MLEC: variants seen among roughly 807,000 people sequenced by gnomAD.
MLEC encodes the protein malectin.
Under a neutral mutation model 28.7 loss-of-function variants are expected in MLEC, and 7 were observed. That is an observed-to-expected ratio of 0.24 (90% confidence interval 0.14 to 0.46). The LOEUF is 0.46. Among genes scored for constraint, MLEC ranks in the 20% least tolerant of loss-of-function variants. MLEC has a pLI of 0.99. For synonymous variants in MLEC, 142 were observed against 164.4 expected (o/e 0.86, Z 1.04); for missense variants, 237 against 391.1 (o/e 0.61, Z 3.32).
Position 120,694,815 on chromosome 12 carries a change from T to C in MLEC, c.415-9T>C. 6.2e-7 allele frequency: 1 copy of C among 1,600,960 alleles called. No homozygotes were observed. The highest frequency in any genetic ancestry group is 8.5e-7 in the Non-Finnish European group (1 of 1,171,288). ...GTTTTGACATTGTTTTCTTTTCTTA[T>C]CCTGGAAGGTATTTGATGTACGATT... On this transcript the variant is annotated splice_polypyrimidine_tract_variant and intron_variant, in intron 2 of 4. Coordinates refer to ENST00000228506, the MANE Select transcript of MLEC (RefSeq NM_014730.4). The surrounding 1 kb of genome is among the most constrained non-coding windows in gnomAD (Gnocchi z 4.5).
chr12:120,693,992 A>G, intron 1 of MLEC, 99 bp from the exon 2 acceptor site: 2 of 1,158,194 alleles, frequency 1.7e-6, no homozygotes, highest in East Asian at 2.6e-5. Flanking sequence ...GGAGAGGGTT[A>G]TTAGCATTGC....
chr12:120,695,250 C>A, intron 4 of MLEC, 98 bp downstream of exon 4: 1 of 1,295,984 alleles, frequency 7.7e-7, no homozygotes, highest in Non-Finnish European at 1.1e-6. Flanking sequence ...TTTGGAAACA[C>A]TTAAAGCTAA....
rs1313758174 is a variant in MLEC, at chr12:120,699,104, G to T, written c.*2559G>T. On this transcript the variant is annotated 3_prime_UTR_variant, in exon 5 of 5. Coordinates refer to ENST00000228506, the MANE Select transcript of MLEC (RefSeq NM_014730.4). ...TGGCTCCTCCAAGATATAGGTACAT[G>T]AAGTTTAGGTTAAAGGGGTGGGATT... 4 of 152,606 alleles carry T rather than the reference G, an allele frequency of 2.6e-5. No homozygotes were observed. The highest frequency in any genetic ancestry group is 5.9e-5 in the Non-Finnish European group (4 of 68,044). 9.5% of individuals were successfully genotyped at this position (152,606 alleles called of 1,614,324 possible). A position where few individuals can be genotyped will look rare whatever the true frequency, so the allele number is the denominator to read the frequency against.
At position 120,701,629 on chromosome 12, in the gene MLEC, G is replaced by C. The variant is rs1313356625; in HGVS notation, c.*5084G>C. On this transcript the variant is annotated 3_prime_UTR_variant, in exon 5 of 5. Coordinates refer to ENST00000228506, the MANE Select transcript of MLEC (RefSeq NM_014730.4). This position sits in a 1 kb window ranked among gnomAD's most constrained non-coding sequence, Gnocchi z 4.0. ...TCTGTGGAGGCCAAACCAACTCTTT[G>C]CCAGCAGCCACAACATGCATTGACA... 1 of 152,546 alleles carries C rather than the reference G, an allele frequency of 6.6e-6. No homozygotes were observed. Among genetic ancestry groups the C allele is most frequent in the Non-Finnish European group, 1.5e-5 (1 of 68,096 alleles). 9.4% of individuals were successfully genotyped at this position (152,546 alleles called of 1,614,324 possible).
chr12:120,690,466 G>A (rs971643719), intron 1 of MLEC, among the ~76,000 whole-genome samples: 8 of 152,184 alleles, frequency 5.3e-5, no homozygotes, highest in East Asian at 1.9e-4. Context: ...GCAGGTCCTC[G>A]AGAAACTTGC....
chr12:120,687,219 T>C lies in MLEC; in HGVS notation c.-78T>C. ...TCAGGCGGAGCGGCCCGTGGCGCTGTTTTTCTGAGTCCGGGGTGGCCTGGC... is the reference window on the plus strand; with the variant it reads ...TCAGGCGGAGCGGCCCGTGGCGCTGCTTTTCTGAGTCCGGGGTGGCCTGGC... On this transcript the variant is annotated 5_prime_UTR_variant, in exon 1 of 5. Transcript: ENST00000228506. This position sits in a 1 kb window ranked among gnomAD's most constrained non-coding sequence, Gnocchi z 8.1. 1 of 1,309,610 alleles carries C rather than the reference T, an allele frequency of 7.6e-7. No individual in the cohort carries two copies. Among genetic ancestry groups the C allele is most frequent in the South Asian group, 2.2e-5 (1 of 45,960 alleles). 81.1% of individuals were successfully genotyped at this position (1,309,610 alleles called of 1,614,324 possible). A position where few individuals can be genotyped will look rare whatever the true frequency, so the allele number is the denominator to read the frequency against.
Position 120,687,566 on chromosome 12 carries a change from G to A in MLEC, c.235+35G>A, listed in dbSNP as rs1225117081. 2 of 1,460,534 alleles carry A rather than the reference G, an allele frequency of 1.4e-6. No homozygotes were observed. Among genetic ancestry groups the A allele is most frequent in the East Asian group, 2.7e-5 (1 of 36,518 alleles). 90.5% of individuals were successfully genotyped at this position (1,460,534 alleles called of 1,614,324 possible). ...CCCCTGCCGAGCCGCGGGATCCAGG[G>A]CCTGCTGTGCTGGGCGCAGCCGGCC... On this transcript the variant is annotated intron_variant, in intron 1 of 4. Transcript: ENST00000228506. The surrounding 1 kb of genome is among the most constrained non-coding windows in gnomAD (Gnocchi z 8.1).
rs987687812 is a variant in MLEC at position 120,687,944 on chromosome 12, T to G, written c.235+413T>G. Reference sequence around the variant, plus strand: ...GGAATCGGCCGCTTTCCTTGCCCCTTCTGCAGGAGCGGGGCTTGATTCTTA... The same window carrying G: ...GGAATCGGCCGCTTTCCTTGCCCCTGCTGCAGGAGCGGGGCTTGATTCTTA... On this transcript the variant is annotated intron_variant, in intron 1 of 4. Transcript: ENST00000228506. The surrounding 1 kb of genome is among the most constrained non-coding windows in gnomAD (Gnocchi z 8.1). Among the ~76,000 whole-genome samples, 4 of 152,114 alleles carry G rather than the reference T, an allele frequency of 2.6e-5. No homozygotes were observed. Among genetic ancestry groups the G allele is most frequent in the Non-Finnish European group, 5.9e-5 (4 of 68,014 alleles).
intron 4 of MLEC, 133 bp downstream of exon 4, chr12:120,695,285 G>C (rs2137419796): frequency 1.0e-6 from 1 of 974,014 alleles, no homozygotes; most frequent in Non-Finnish European, 1.6e-6. Flanking sequence ...AGAATCAGTT[G>C]GATAAGGATG....
At position 120,694,696 on chromosome 12, in the gene MLEC, G is replaced by C. The variant is rs1278609281; in HGVS notation, c.415-128G>C. 3.3e-6 allele frequency: 3 copies of C among 910,122 alleles called. No individual in the cohort carries two copies. Among genetic ancestry groups the C allele is most frequent in the East Asian group, 2.5e-5 (1 of 39,394 alleles). The allele number at this position is 910,122 out of a possible 1,614,324, so 56.4% of individuals were successfully genotyped here. The stretch of plus-strand genomic sequence containing the variant: ...CGGGTTAAGGATGCTAACCACCCTG[G>C]ATATCCAGACCCATCATTTCTTAAA... On this transcript the variant is annotated intron_variant, in intron 2 of 4. Transcript: ENST00000228506. This position sits in a 1 kb window ranked among gnomAD's most constrained non-coding sequence, Gnocchi z 4.5.
rs1882321394 is a variant in MLEC at position 120,698,450 on chromosome 12, T to C, written c.*1905T>C. ...GCTGCAGTCAGAGGTATACTTCCCATAGTGCTTCACACAGCTCCCCTGCTT... is the reference window on the plus strand; with the variant it reads ...GCTGCAGTCAGAGGTATACTTCCCACAGTGCTTCACACAGCTCCCCTGCTT... On this transcript the variant is annotated 3_prime_UTR_variant, in exon 5 of 5. Coordinates refer to ENST00000228506, the MANE Select transcript of MLEC (RefSeq NM_014730.4). 6.6e-6 allele frequency: 1 copy of C among 152,272 alleles called. No individual in the cohort carries two copies. 9.4% of individuals were successfully genotyped at this position (152,272 alleles called of 1,614,324 possible).
chr12:120,687,336 C>G lies in MLEC; in HGVS notation c.40C>G (p.Leu14Val). The change falls in exon 1 of 5, where the codon CTC (leucine) becomes GTC (valine). Residue 14 changes from leucine (L) to valine (V), a missense_variant. Coordinates refer to ENST00000228506, the MANE Select transcript of MLEC (RefSeq NM_014730.4). The surrounding 1 kb of genome is among the most constrained non-coding windows in gnomAD (Gnocchi z 8.1). ...GGCGGTTGAGGGAACCGCTGTGGCG[C>G]TCCTGCGACTGCTGCTGCTGCTGCT... Reference protein sequence around the residue: ...AWAVEGTAVALLRLLLLLLPP... With the variant: ...AWAVEGTAVAVLRLLLLLLPP... 1 of 1,395,502 alleles carries G rather than the reference C, an allele frequency of 7.2e-7. No homozygotes were observed. Among genetic ancestry groups the G allele is most frequent in the Non-Finnish European group, 9.3e-7 (1 of 1,076,632 alleles). 86.4% of individuals were successfully genotyped at this position (1,395,502 alleles called of 1,614,324 possible).
rs1881891218 is a variant in MLEC at position 120,687,945 on chromosome 12, C to T, written c.235+414C>T. Among the ~76,000 whole-genome samples, 2 of 152,186 alleles carry T rather than the reference C, an allele frequency of 1.3e-5. No homozygotes were observed. Among genetic ancestry groups the T allele is most frequent in the African/African-American group, 4.8e-5 (2 of 41,446 alleles). Reference sequence around the variant, plus strand: ...GAATCGGCCGCTTTCCTTGCCCCTTCTGCAGGAGCGGGGCTTGATTCTTAG... The same window carrying T: ...GAATCGGCCGCTTTCCTTGCCCCTTTTGCAGGAGCGGGGCTTGATTCTTAG... On this transcript the variant is annotated intron_variant, in intron 1 of 4. Coordinates refer to ENST00000228506, the MANE Select transcript of MLEC (RefSeq NM_014730.4). The surrounding 1 kb of genome is among the most constrained non-coding windows in gnomAD (Gnocchi z 8.1).
chr12:120,701,052 T>C lies in MLEC; in HGVS notation c.*4507T>C, dbSNP rs1882428793. 6.6e-6 allele frequency: 1 copy of C among 152,184 alleles called. No homozygotes were observed. The highest frequency in any genetic ancestry group is 6.5e-5 in the Admixed American group (1 of 15,286). The allele number at this position is 152,184 out of a possible 1,614,324, so 9.4% of individuals were successfully genotyped here. A position where few individuals can be genotyped will look rare whatever the true frequency, so the allele number is the denominator to read the frequency against. ...GCAGCCAAGGAAACAGTAGTGCCTGTTTGAGTTGGCAGAGAGGGCCTTGGC... is the reference window on the plus strand; with the variant it reads ...GCAGCCAAGGAAACAGTAGTGCCTGCTTGAGTTGGCAGAGAGGGCCTTGGC... On this transcript the variant is annotated 3_prime_UTR_variant, in exon 5 of 5. Transcript: ENST00000228506. The surrounding 1 kb of genome is among the most constrained non-coding windows in gnomAD (Gnocchi z 4.0).
Position 120,697,679 on chromosome 12 carries a change from G to A in MLEC, c.*1134G>A, listed in dbSNP as rs1882291173. On this transcript the variant is annotated 3_prime_UTR_variant, in exon 5 of 5. Coordinates refer to ENST00000228506, the MANE Select transcript of MLEC (RefSeq NM_014730.4). The surrounding 1 kb of genome is among the most constrained non-coding windows in gnomAD (Gnocchi z 4.8). ...ACCTCAGAGATTTGAGCCCTACTAAGTGACTGACCACTGTTTAGAGTGTCT... is the reference window on the plus strand; with the variant it reads ...ACCTCAGAGATTTGAGCCCTACTAAATGACTGACCACTGTTTAGAGTGTCT... 1 of 152,680 alleles carries A rather than the reference G, an allele frequency of 6.5e-6. No homozygotes were observed. 9.5% of individuals were successfully genotyped at this position (152,680 alleles called of 1,614,324 possible). A position where few individuals can be genotyped will look rare whatever the true frequency, so the allele number is the denominator to read the frequency against.
chr12:120,691,930 C>G (rs1372608101), intron 1 of MLEC, among the ~76,000 whole-genome samples: 1 of 151,992 alleles, frequency 6.6e-6, no homozygotes, highest in Non-Finnish European at 1.5e-5. Context: ...GAGGCCGATG[C>G]GGGCAGATCA....
rs1882446779 is a variant in MLEC, at chr12:120,701,511, T to C, written c.*4966T>C. 6.6e-6 allele frequency: 1 copy of C among 152,622 alleles called. No individual in the cohort carries two copies. Among genetic ancestry groups the C allele is most frequent in the Admixed American group, 6.5e-5 (1 of 15,274 alleles). 9.5% of individuals were successfully genotyped at this position (152,622 alleles called of 1,614,324 possible). A position where few individuals can be genotyped will look rare whatever the true frequency, so the allele number is the denominator to read the frequency against. Reference sequence around the variant, plus strand: ...AGGAAACCAAGCCCACCCTTCCACATTGGGCCTGGCTGCTCTATTCTGTAC... The same window carrying C: ...AGGAAACCAAGCCCACCCTTCCACACTGGGCCTGGCTGCTCTATTCTGTAC... On this transcript the variant is annotated 3_prime_UTR_variant, in exon 5 of 5. Coordinates refer to ENST00000228506, the MANE Select transcript of MLEC (RefSeq NM_014730.4). This position sits in a 1 kb window ranked among gnomAD's most constrained non-coding sequence, Gnocchi z 4.0.
rs1206289831 is a variant in MLEC at position 120,695,009 on chromosome 12, C to G, written c.591+9C>G. The G allele has an allele frequency of 1.2e-6, 2 of 1,613,950 alleles. No homozygotes were observed. Among genetic ancestry groups the G allele is most frequent in the Non-Finnish European group, 1.7e-6 (2 of 1,179,998 alleles). On this transcript the variant is annotated intron_variant, in intron 3 of 4. Coordinates refer to ENST00000228506, the MANE Select transcript of MLEC (RefSeq NM_014730.4). ...ACATTGAGTTTGTCAAGGTAATTCC[C>G]CTATTCTGCCCATTGCTGAAGAGAG...
Position 120,687,276 on chromosome 12 carries a change from G to A in MLEC, c.-21G>A. 1 of 1,366,320 alleles carries A rather than the reference G, an allele frequency of 7.3e-7. No individual in the cohort carries two copies. The highest frequency in any genetic ancestry group is 9.4e-7 in the Non-Finnish European group (1 of 1,066,230). The allele number at this position is 1,366,320 out of a possible 1,614,324, so 84.6% of individuals were successfully genotyped here. A position where few individuals can be genotyped will look rare whatever the true frequency, so the allele number is the denominator to read the frequency against. On this transcript the variant is annotated 5_prime_UTR_variant, in exon 1 of 5. Coordinates refer to ENST00000228506, the MANE Select transcript of MLEC (RefSeq NM_014730.4). This position sits in a 1 kb window ranked among gnomAD's most constrained non-coding sequence, Gnocchi z 8.1. Reference sequence around the variant, plus strand: ...CCGAGGACGAGGGTCGGCGGGGGCTGCCCCCGTGGTGGTGGCCGCCATGCT... The same window carrying A: ...CCGAGGACGAGGGTCGGCGGGGGCTACCCCCGTGGTGGTGGCCGCCATGCT...
Sources: gnomAD v4.1 joint callset for allele counts (sites outside exome capture counted in the v4.1 genomes callset) on GRCh38, gnomAD v4.1.1 for gene constraint, Gnocchi (gnomAD v3.1) non-coding constraint, MANE v1.5 for transcripts, NCBI Gene and HGNC (gene_info 2026-07-23, HGNC 2026-07-21) for gene names.